CUX2: variants seen among roughly 807,000 people sequenced by gnomAD.
CUX2 encodes cut like homeobox 2, also known as homeobox protein cut-like 2.
A neutral mutation model predicts 144.8 loss-of-function variants in CUX2; 40 were observed. The observed-to-expected ratio is 0.28, with a 90% CI of 0.21 to 0.36. CUX2 has a LOEUF of 0.36. Among genes scored for constraint, CUX2 ranks in the 10% least tolerant of loss-of-function variants. The pLI, the probability that CUX2 is intolerant of heterozygous loss-of-function variation, is 1.00. For missense variants in CUX2, 1,615 were observed against 1,994.0 expected, an observed-to-expected ratio of 0.81 and a Z score of 3.62; for synonymous variants, 827 against 875.6, an observed-to-expected ratio of 0.94 and a Z score of 0.98.
chr12:111,235,765 G>A (rs1290144156), intron 3 of CUX2, among the ~76,000 whole-genome samples: 1 of 152,126 alleles, frequency 6.6e-6, no homozygotes, highest in African/African-American at 2.4e-5. Context: ...AACCTGGCCT[G>A]GGACAGCGAC....
At chr12:111,045,671 C>G (rs1413683172) in intron 1 of CUX2, among the ~76,000 whole-genome samples, 1 of 152,144 alleles carries the variant, frequency 6.6e-6, no homozygotes, top group South Asian at 2.1e-4. Context: ...GGAGCTGCAC[C>G]TGCAATGATG....
chr12:111,169,362 G>A (rs913206323), intron 1 of CUX2, among the ~76,000 whole-genome samples: 2 of 152,164 alleles, frequency 1.3e-5, no homozygotes, highest in African/African-American at 2.4e-5. Flanking sequence ...CTCCAGAAGC[G>A]GGAGAGAAGA....
chr12:111,304,356 A>T lies in CUX2; in HGVS notation c.858+42A>T. Reference sequence around the variant, plus strand: ...GGAAGTGAGCAGGGAGGGCAGAGGGAAAGATCGGGAATGGCTGAGTTTGCA... The same window carrying T: ...GGAAGTGAGCAGGGAGGGCAGAGGGTAAGATCGGGAATGGCTGAGTTTGCA... On this transcript the variant is annotated intron_variant, in intron 10 of 21. Transcript: ENST00000261726. This position sits in a 1 kb window ranked among gnomAD's most constrained non-coding sequence, Gnocchi z 4.7. The T allele has an allele frequency of 6.6e-7, 1 of 1,519,662 alleles. No homozygotes were observed. The highest frequency in any genetic ancestry group is 2.3e-5 in the East Asian group (1 of 43,972). 94.1% of individuals were successfully genotyped at this position (1,519,662 alleles called of 1,614,324 possible).
chr12:111,074,573 G>C (rs1871418922), intron 1 of CUX2, among the ~76,000 whole-genome samples: 1 of 151,996 alleles, frequency 6.6e-6, no homozygotes, highest in Non-Finnish European at 1.5e-5. Flanking sequence ...GGGGGCTGAG[G>C]GGGTGCCCCT....
In CUX2 at chr12:111,134,620, C is replaced by CTCTGTGTGTGTGTG. The variant is rs1026548098; in HGVS notation, c.64-79579_64-79578insCTGTGTGTGTGTGT. Among the ~76,000 whole-genome samples, 563 of 142,182 alleles carry CTCTGTGTGTGTGTG rather than the reference C, an allele frequency of 4.0e-3. 4 individuals are homozygous for CTCTGTGTGTGTGTG. Among genetic ancestry groups the CTCTGTGTGTGTGTG allele is most frequent in the African/African-American group, 0.015 (543 of 36,088 alleles). 93.3% of individuals were successfully genotyped at this position (142,182 alleles called of 152,430 possible). A position where few individuals can be genotyped will look rare whatever the true frequency, so the allele number is the denominator to read the frequency against. On this transcript the variant is annotated intron_variant, in intron 1 of 21. Coordinates refer to ENST00000261726, the MANE Select transcript of CUX2 (RefSeq NM_015267.4). ...TCTCTCTCTCTCTCTCTCTCTCTCT[C>CTCTGTGTGTGTGTG]TGTGTGTGTGTGTGTGTGTGTGTGT...
At chr12:111,123,982 T>G (rs1380995442) in intron 1 of CUX2, among the ~76,000 whole-genome samples, 1 of 152,218 alleles carries the variant, frequency 6.6e-6, no homozygotes, top group Non-Finnish European at 1.5e-5. Flanking sequence ...CAACATTTTT[T>G]TCTAGATGCA....
chr12:111,267,008 C>T (rs1243605526), intron 4 of CUX2, among the ~76,000 whole-genome samples: 2 of 151,958 alleles, frequency 1.3e-5, no homozygotes, highest in Non-Finnish European at 2.9e-5. Context: ...CCAGCCTAGG[C>T]AACATGGAGA....
At chr12:111,094,677 G>A (rs1046554216) in intron 1 of CUX2, among the ~76,000 whole-genome samples, 3 of 152,098 alleles carry the variant, frequency 2.0e-5, no homozygotes, top group Non-Finnish European at 2.9e-5. Context: ...TTTCTGGGCT[G>A]GGGGGAGATG....
chr12:111,254,462 G>A (rs1383926522), intron 3 of CUX2, among the ~76,000 whole-genome samples: 1 of 152,162 alleles, frequency 6.6e-6, no homozygotes, highest in Non-Finnish European at 1.5e-5. Flanking sequence ...TGAGGAGAGG[G>A]GGCCTCAGAG....
At chr12:111,203,982 G>A (rs1880766870) in intron 1 of CUX2, among the ~76,000 whole-genome samples, 1 of 152,202 alleles carries the variant, frequency 6.6e-6, no homozygotes, top group East Asian at 1.9e-4. Context: ...AGGGCTGGTG[G>A]CAGCCCCAGC....
At position 111,295,488 on chromosome 12, in the gene CUX2, G is replaced by A. The variant is rs73199852; in HGVS notation, c.637+79G>A. 62,414 of 1,258,408 alleles carry A rather than the reference G, an allele frequency of 0.05. 1,692 individuals are homozygous for A. Among genetic ancestry groups the A allele is most frequent in the South Asian group, 0.097 (6,943 of 71,426 alleles). 78.0% of individuals were successfully genotyped at this position (1,258,408 alleles called of 1,614,324 possible). A position where few individuals can be genotyped will look rare whatever the true frequency, so the allele number is the denominator to read the frequency against. On this transcript the variant is annotated intron_variant, in intron 7 of 21. Transcript: ENST00000261726. This position sits in a 1 kb window ranked among gnomAD's most constrained non-coding sequence, Gnocchi z 5.0. ...CTGTCAACGAGGGGTCACGGCTTGG[G>A]GTCTGCCACATCCAGGTGTTTTAGA...
chr12:111,325,310 AGC>A (rs1039002965), intron 18 of CUX2, among the ~76,000 whole-genome samples: 3 of 151,638 alleles, frequency 2.0e-5, no homozygotes, highest in African/African-American at 7.3e-5. Context: ...AAAAAAAAAA[AGC>A]AGCCATGCTA....
At chr12:111,064,374 C>T (rs1870936596) in intron 1 of CUX2, among the ~76,000 whole-genome samples, 1 of 152,158 alleles carries the variant, frequency 6.6e-6, no homozygotes, top group Non-Finnish European at 1.5e-5. Context: ...AAAATAACTT[C>T]CTCGTAGGGC....
At position 111,263,864 on chromosome 12, in the gene CUX2, T is replaced by C. The variant is rs759516345; in HGVS notation, c.301+25T>C. On this transcript the variant is annotated intron_variant, in intron 4 of 21. Transcript: ENST00000261726. This position sits in a 1 kb window ranked among gnomAD's most constrained non-coding sequence, Gnocchi z 4.0. The stretch of plus-strand genomic sequence containing the variant: ...GGTAAGAAATGCTTGGGCTCCGTAA[T>C]TGAATAGTTAACGACAATAAATAGC... 1.9e-5 allele frequency: 31 copies of C among 1,594,162 alleles called. No individual in the cohort carries two copies. The highest frequency in any genetic ancestry group is 2.6e-5 in the Non-Finnish European group (30 of 1,162,082).
intron 4 of CUX2, among the ~76,000 whole-genome samples, chr12:111,266,140 T>A (rs1645579894): frequency 6.6e-6 from 1 of 152,144 alleles, no homozygotes; most frequent in Non-Finnish European, 1.5e-5. Flanking sequence ...GATGAGATCA[T>A]CCTGGCTTTA....
intron 10 of CUX2, among the ~76,000 whole-genome samples, chr12:111,306,008 G>A (rs1886561476): frequency 6.6e-6 from 1 of 152,168 alleles, no homozygotes; most frequent in South Asian, 2.1e-4. Flanking sequence ...CCATGTTCCT[G>A]GGTGACGGCA....
In CUX2 at chr12:111,034,742, GGA is replaced by G. The variant is rs1869334986; in HGVS notation, c.63+508_63+509del. Among the ~76,000 whole-genome samples, 1 of 151,018 alleles carries G rather than the reference GGA, an allele frequency of 6.6e-6. No individual in the cohort carries two copies. Among genetic ancestry groups the G allele is most frequent in the Non-Finnish European group, 1.5e-5 (1 of 67,430 alleles). On this transcript the variant is annotated intron_variant, in intron 1 of 21. Transcript: ENST00000261726. This position sits in a 1 kb window ranked among gnomAD's most constrained non-coding sequence, Gnocchi z 4.2. ...GAGGAGGAGGAGAGGAGGAGGAGGA[GGA>G]GAGAGGAGGAGGGAGCCGGGGTTGG...
intron 1 of CUX2, among the ~76,000 whole-genome samples, chr12:111,166,365 C>G (rs531146636): frequency 6.6e-6 from 1 of 152,312 alleles, no homozygotes; most frequent in East Asian, 1.9e-4. Flanking sequence ...TCTTCTAACC[C>G]TCTGGCTCCT....
rs1886833502 is a variant in CUX2 at position 111,310,393 on chromosome 12, T to C, written c.1611T>C (p.Asp537=). Residue 537 remains aspartate (D), a synonymous_variant, in exon 15 of 22, where the codon GAT becomes GAC. Transcript: ENST00000261726. This position sits in a 1 kb window ranked among gnomAD's most constrained non-coding sequence, Gnocchi z 7.9. ...PEPLGGPEPA[D]GGGGGAAGPG... is the part of the protein sequence containing the mutation. ...CACTGGGCGGTCCTGAGCCCGCGGA[T>C]GGTGGTGGGGGCGGAGCGGCGGGGC... The C allele has an allele frequency of 6.2e-7, 1 of 1,606,222 alleles. No individual in the cohort carries two copies. Among genetic ancestry groups the C allele is most frequent in the Non-Finnish European group, 8.5e-7 (1 of 1,175,524 alleles).
Sources: allele counts gnomAD v4.1 joint callset (sites outside exome capture counted in the v4.1 genomes callset), GRCh38; gene constraint gnomAD v4.1.1; non-coding constraint Gnocchi (gnomAD v3.1); transcripts MANE v1.5; gene names NCBI Gene and HGNC (gene_info 2026-07-23, HGNC 2026-07-21).